The following L3MBTL4 variants were observed in gnomAD, a reference collection of about 807,000 sequenced individuals.
L3MBTL4 encodes lethal(3)malignant brain tumor-like protein 4.
Under a neutral mutation model 84.5 loss-of-function variants are expected in L3MBTL4, and 70 were observed. The observed-to-expected ratio is 0.83, with a 90% CI of 0.68 to 1.01. The LOEUF (loss-of-function observed/expected upper bound fraction) is 1.01. Among genes scored for constraint, L3MBTL4 ranks in the 50% least tolerant of loss-of-function variants. L3MBTL4 has a pLI of 0.00. For missense variants in L3MBTL4, 715 were observed against 754.8 expected (o/e 0.95, Z 0.62); for synonymous variants, 274 against 259.8 (o/e 1.05, Z -0.52).
chr18:6,188,304 T>C (rs2044881391), intron 12 of L3MBTL4, among the ~76,000 whole-genome samples: 1 of 150,028 alleles, frequency 6.7e-6, no homozygotes, highest in Non-Finnish European at 1.5e-5. Flanking sequence ...TAAAAATTTA[T>C]ATATACTCTA....
intron 13 of L3MBTL4, among the ~76,000 whole-genome samples, chr18:6,155,498 T>A (rs2043064336): frequency 6.6e-6 from 1 of 152,202 alleles, no homozygotes; most frequent in African/African-American, 2.4e-5. Flanking sequence ...TTCTCATGGC[T>A]GGATGCACAG....
intron 14 of L3MBTL4, among the ~76,000 whole-genome samples, chr18:6,104,154 C>G (rs1342128859): frequency 6.6e-6 from 1 of 151,368 alleles, no homozygotes; most frequent in Non-Finnish European, 1.5e-5. Context: ...AATTCAGCCT[C>G]TTTAGAAAAC....
intron 16 of L3MBTL4, among the ~76,000 whole-genome samples, chr18:6,049,830 C>T (rs761305601): frequency 5.3e-5 from 8 of 152,048 alleles, no homozygotes; most frequent in Non-Finnish European, 8.8e-5. Context: ...GTAATATATC[C>T]GTATAACAAA....
intron 16 of L3MBTL4, among the ~76,000 whole-genome samples, chr18:6,024,195 C>T (rs1306445976): frequency 6.6e-6 from 1 of 152,176 alleles, no homozygotes; most frequent in Admixed American, 6.5e-5. Context: ...TCTTTGACAG[C>T]ATTCTTTTGC....
chr18:6,205,254 C>T (rs950533165), intron 12 of L3MBTL4, among the ~76,000 whole-genome samples: 1 of 152,012 alleles, frequency 6.6e-6, no homozygotes, highest in African/African-American at 2.4e-5. Context: ...GGGCCAGAAG[C>T]CAAGGAGTAA....
At chr18:6,037,185 C>T (rs988918840) in intron 16 of L3MBTL4, among the ~76,000 whole-genome samples, 45 of 152,314 alleles carry the variant, frequency 3.0e-4, no homozygotes, top group African/African-American at 1.1e-3. Context: ...CCCTTGCTCC[C>T]ACGAGCAGTG....
chr18:6,372,974 A>T (rs1238588197), intron 1 of L3MBTL4, among the ~76,000 whole-genome samples: 1 of 152,256 alleles, frequency 6.6e-6, no homozygotes, highest in African/African-American at 2.4e-5. Context: ...TTATTGTTGC[A>T]AAGCACATTT....
intron 1 of L3MBTL4, among the ~76,000 whole-genome samples, chr18:6,355,118 C>A (rs2053377686): frequency 6.6e-6 from 1 of 152,114 alleles, no homozygotes; most frequent in South Asian, 2.1e-4. Context: ...AAAATGAGAT[C>A]CTGTCATTTC....
intron 12 of L3MBTL4, among the ~76,000 whole-genome samples, chr18:6,206,386 C>T (rs1450743200): frequency 6.6e-6 from 1 of 152,180 alleles, no homozygotes; most frequent in African/African-American, 2.4e-5. Context: ...AACTGTGAAA[C>T]ATTCTATTTC....
chr18:6,258,156 G>T (rs991912777), intron 5 of L3MBTL4, among the ~76,000 whole-genome samples: 5 of 152,208 alleles, frequency 3.3e-5, no homozygotes, highest in Admixed American at 1.3e-4. Flanking sequence ...GCAGTGGAAG[G>T]TCTCACCACA....
intron 4 of L3MBTL4, among the ~76,000 whole-genome samples, chr18:6,295,346 C>CTCTCTCTATATATATA (rs1261475809): frequency 1.2e-5 from 1 of 81,384 alleles, no homozygotes; most frequent in African/African-American, 6.6e-5. Flanking sequence ...CTCTCTCTCT[C>CTCTCTCTATATATATA]TATATATATA....
At chr18:6,187,361 T>A (rs2044825554) in intron 12 of L3MBTL4, among the ~76,000 whole-genome samples, 1 of 152,170 alleles carries the variant, frequency 6.6e-6, no homozygotes, top group Admixed American at 6.5e-5. Context: ...AATTCCAAAG[T>A]TTTCATTTAA....
rs745337958 is a variant in L3MBTL4 at position 6,239,754 on chromosome 18, A to C, written c.671T>G (p.Val224Gly). The change falls in exon 9 of 19, where the codon GTG (valine) becomes GGG (glycine). Residue 224 changes from valine to glycine, a missense_variant. Transcript: ENST00000317931. ...IADIVEDRLL[V>G]HFDNWDDSYD... ...ACTATCATCCCAGTTGTCAAAATGC[A>C]CTAGTAAGCGATCTTCAACAATATC... 7.4e-6 allele frequency: 12 copies of C among 1,614,148 alleles called. No individual in the cohort carries two copies. In the East Asian group the frequency reaches 2.7e-4, roughly 36 times the overall value.
In L3MBTL4 at chr18:6,115,612, G is replaced by A. The variant is rs1216275168; in HGVS notation, c.1200-22084C>T. ...TATGGGTCTCTGTTCAAGGGAGCCT[G>A]TGCCAGAGGTGTCTATCAGAAGCCG... On this transcript the variant is annotated intron_variant, in intron 14 of 18. Coordinates refer to ENST00000317931, the MANE Select transcript of L3MBTL4 (RefSeq NM_001330559.2). Among the ~76,000 whole-genome samples the A allele has an allele frequency of 3.3e-5, 5 of 152,196 alleles. No homozygotes were observed. In the East Asian group the frequency reaches 9.7e-4, roughly 29 times the overall value.
At chr18:6,242,022 T>A (rs1362121253) in intron 7 of L3MBTL4, among the ~76,000 whole-genome samples, 3 of 152,134 alleles carry the variant, frequency 2.0e-5, no homozygotes, top group African/African-American at 7.2e-5. Context: ...AACTGCTGCA[T>A]CCTCCCATTC....
At chr18:5,961,833 G>C (rs773129735) in intron 17 of L3MBTL4, among the ~76,000 whole-genome samples, 153 of 152,172 alleles carry the variant, frequency 1.0e-3, no homozygotes, top group Non-Finnish European at 2.0e-3. Context: ...AGTATTTGCT[G>C]GGAGCTAGTG....
intron 1 of L3MBTL4, among the ~76,000 whole-genome samples, chr18:6,366,305 A>G (rs1178984720): frequency 6.6e-6 from 1 of 152,236 alleles, no homozygotes; most frequent in Non-Finnish European, 1.5e-5. Context: ...CAACATGCTG[A>G]GCTCCTAAAA....
rs775891749 is a variant in L3MBTL4 at position 6,241,444 on chromosome 18, T to C, written c.466A>G (p.Arg156Gly). The change falls in exon 8 of 19, where the codon AGA becomes GGA. Residue 156 changes from arginine (R) to glycine (G), a missense_variant. Transcript: ENST00000317931. The part of the protein sequence containing the change: ...KHELHIPKGY[R>G]KDKFVWMDYL... ...TCCATCCAAACAAATTTATCTTTTC[T>C]ATAACCTAAAAAAAGCACAGATTAC... The C allele has an allele frequency of 3.2e-6, 5 of 1,566,386 alleles. No homozygotes were observed. In the Admixed American group the frequency reaches 8.9e-5, roughly 28 times the overall value.
At chr18:6,295,371 T>TATAC (rs2050064850) in intron 4 of L3MBTL4, among the ~76,000 whole-genome samples, 1 of 145,836 alleles carries the variant, frequency 6.9e-6, no homozygotes, top group East Asian at 2.0e-4. Context: ...TATATATATA[T>TATAC]ACAGCCTTTA....
Sources: gnomAD v4.1 joint callset for allele counts (sites outside exome capture counted in the v4.1 genomes callset) on GRCh38, gnomAD v4.1.1 for gene constraint, MANE v1.5 for transcripts, NCBI Gene and HGNC (gene_info 2026-07-23, HGNC 2026-07-21) for gene names.